Variants in SEC23B observed in about 807,000 individuals in gnomAD.
The protein encoded by SEC23B is protein transport protein Sec23B.
SEC23B carries 77 observed loss-of-function variants against 104.3 expected under a neutral mutation model. That is an observed-to-expected ratio of 0.74 (90% CI 0.61 to 0.89). SEC23B has a LOEUF of 0.89. Ranked by LOEUF, SEC23B falls within the 40% of genes least tolerant of loss-of-function variation. SEC23B has a pLI of 0.00. For synonymous variants in SEC23B, 338 were observed against 332.5 expected, an observed-to-expected ratio of 1.02 and a Z score of -0.18; for missense variants, 885 against 949.4, an observed-to-expected ratio of 0.93 and a Z score of 0.89.
intron 3 of SEC23B, among the ~76,000 whole-genome samples, chr20:18,512,644 G>C (rs1372708436): frequency 1.3e-5 from 2 of 152,198 alleles, no homozygotes; most frequent in East Asian, 1.9e-4. Flanking sequence ...TTCATTTTCT[G>C]ATCTTTCTAA....
At chr20:18,544,515 G>T (rs1018979313) in intron 14 of SEC23B, among the ~76,000 whole-genome samples, 3 of 152,134 alleles carry the variant, frequency 2.0e-5, no homozygotes, top group African/African-American at 7.2e-5. Flanking sequence ...GAGCTAGCTG[G>T]GTCTTTTAGC....
At chr20:18,549,928 C>G (rs565898289) in intron 16 of SEC23B, among the ~76,000 whole-genome samples, 1 of 151,538 alleles carries the variant, frequency 6.6e-6, no homozygotes, top group Admixed American at 6.6e-5. Flanking sequence ...GAGTTGAGAT[C>G]GCGCCACTGC....
chr20:18,548,898 T>C (rs1035527466), intron 16 of SEC23B, 128 bp downstream of exon 16: 8 of 862,570 alleles, frequency 9.3e-6, no homozygotes, highest in Admixed American at 2.4e-5. Flanking sequence ...AATTTAACAT[T>C]ATTTCTATTA....
At chr20:18,515,855 C>T in intron 4 of SEC23B, 119 bp downstream of exon 4, 1 of 727,426 alleles carries the variant, frequency 1.4e-6, no homozygotes, top group Admixed American at 2.0e-5. Context: ...GCAGCAGGAT[C>T]CTAACCTTTA....
chr20:18,543,981 C>T (rs908614713), intron 14 of SEC23B, among the ~76,000 whole-genome samples: 9 of 152,160 alleles, frequency 5.9e-5, no homozygotes, highest in Non-Finnish European at 1.5e-5. Context: ...GGACCTGGCA[C>T]CCGGGAAGCT....
chr20:18,539,981 C>T (rs2060273454), intron 12 of SEC23B, among the ~76,000 whole-genome samples: 1 of 151,760 alleles, frequency 6.6e-6, no homozygotes, highest in South Asian at 2.1e-4. Flanking sequence ...TTGCTCCTTC[C>T]ACCACATCTT....
intron 11 of SEC23B, among the ~76,000 whole-genome samples, chr20:18,534,685 A>G (rs780330852): frequency 1.1e-4 from 16 of 152,232 alleles, no homozygotes; most frequent in Non-Finnish European, 2.1e-4. Flanking sequence ...TTTAGCATCC[A>G]TTGATCTTCA....
In SEC23B at chr20:18,543,043, C is replaced by T. The variant is rs973142321; in HGVS notation, c.1536C>T (p.Leu512=). ...ARNWADVQSQ[L]RHIEAAFDQE... ...GTTGGGCAGATGTACAGAGTCAGCT[C>T]AGGCACATAGAAGCAGCATTTGACC... Residue 512 remains leucine, a synonymous_variant, in exon 14 of 20, where the codon CTC becomes CTT. Transcript: ENST00000650089. The T allele has an allele frequency of 3.1e-6, 5 of 1,614,054 alleles. No individual in the cohort carries two copies. The highest frequency in any genetic ancestry group is 1.7e-5 in the Admixed American group (1 of 60,004).
intron 2 of SEC23B, among the ~76,000 whole-genome samples, chr20:18,511,701 G>A (rs1416064709): frequency 6.6e-6 from 1 of 152,104 alleles, no homozygotes; most frequent in Non-Finnish European, 1.5e-5. Context: ...TCTAAATGTA[G>A]AAAATAAGGG....
intron 19 of SEC23B, 109 bp downstream of exon 19, chr20:18,555,282 G>A (rs1039954780): frequency 3.4e-5 from 30 of 892,200 alleles, no homozygotes; most frequent in South Asian, 2.3e-4. Context: ...GAATAACTGC[G>A]TAAGTTGGGT....
chr20:18,524,359 C>A, intron 4 of SEC23B, 74 bp from the exon 5 acceptor site: 1 of 1,041,514 alleles, frequency 9.6e-7, no homozygotes, highest in Non-Finnish European at 1.5e-6. Context: ...AATTTTCATA[C>A]CTAATTTGCC....
intron 19 of SEC23B, among the ~76,000 whole-genome samples, chr20:18,558,377 G>A (rs1412159665): frequency 6.6e-6 from 1 of 152,176 alleles, no homozygotes; most frequent in African/African-American, 2.4e-5. Context: ...GTGTAATTAT[G>A]ACATGTCTTG....
At chr20:18,551,064 C>T (rs1040148185) in intron 16 of SEC23B, 25 bp from the exon 17 acceptor site, 17 of 1,511,556 alleles carry the variant, frequency 1.1e-5, no homozygotes, top group Non-Finnish European at 1.4e-5. Context: ...AGACCAATGC[C>T]ATCTTTCTCT....
chr20:18,551,204 T>A, intron 17 of SEC23B, 29 bp downstream of exon 17: 4 of 1,268,624 alleles, frequency 3.2e-6, no homozygotes, highest in Middle Eastern at 2.1e-4. Flanking sequence ...TTAATTAATT[T>A]CTTTTTGTTT....
At chr20:18,557,210 T>G (rs2060447732) in intron 19 of SEC23B, among the ~76,000 whole-genome samples, 1 of 152,224 alleles carries the variant, frequency 6.6e-6, no homozygotes, top group South Asian at 2.1e-4. Context: ...CATGAGTTAT[T>G]TGAACATGTT....
chr20:18,538,791 C>T (rs969761794), intron 12 of SEC23B, among the ~76,000 whole-genome samples: 1 of 152,064 alleles, frequency 6.6e-6, no homozygotes, highest in African/African-American at 2.4e-5. Context: ...GAGTAGATTC[C>T]ATCTCAACAA....
chr20:18,518,380 T>C (rs751505541), intron 4 of SEC23B, among the ~76,000 whole-genome samples: 1 of 152,000 alleles, frequency 6.6e-6, no homozygotes, highest in Non-Finnish European at 1.5e-5. Context: ...GCTTGATGTG[T>C]AAGGAAGGGA....
intron 12 of SEC23B, among the ~76,000 whole-genome samples, chr20:18,541,726 C>G (rs139760816): frequency 1.1e-3 from 173 of 152,272 alleles, no homozygotes; most frequent in African/African-American, 3.7e-3. Flanking sequence ...TCAAAGATCA[C>G]TGATCACAGA....
rs545114877 is a variant in SEC23B at position 18,560,845 on chromosome 20, A to C, written c.*105A>C. The C allele has an allele frequency of 1.2e-6, 1 of 842,154 alleles. No homozygotes were observed. Among genetic ancestry groups the C allele is most frequent in the Admixed American group, 1.8e-5 (1 of 54,588 alleles). 52.2% of individuals were successfully genotyped at this position (842,154 alleles called of 1,614,324 possible). A position where few individuals can be genotyped will look rare whatever the true frequency, so the allele number is the denominator to read the frequency against. On this transcript the variant is annotated 3_prime_UTR_variant, in exon 20 of 20. Coordinates refer to ENST00000650089, the MANE Select transcript of SEC23B (RefSeq NM_006363.6). ...CTTTTCTAGCAGATTTTAACAAATAATCAAGGACATTTTATATGTAACTCT... is the reference window on the plus strand; with the variant it reads ...CTTTTCTAGCAGATTTTAACAAATACTCAAGGACATTTTATATGTAACTCT...
Sources: allele counts gnomAD v4.1 joint callset (sites outside exome capture counted in the v4.1 genomes callset), GRCh38; gene constraint gnomAD v4.1.1; transcripts MANE v1.5; gene names NCBI Gene and HGNC (gene_info 2026-07-23, HGNC 2026-07-21).